ACVR2A: variants seen among roughly 807,000 people sequenced by gnomAD.
ACVR2A encodes the protein activin A receptor type 2A.
In ACVR2A, 7 loss-of-function variants were observed where a neutral mutation model predicts 61.4. The ratio of observed to expected loss-of-function variants is 0.11; its 90% CI spans 0.06 to 0.21. The LOEUF (loss-of-function observed/expected upper bound fraction) is 0.21, where lower values mean the gene tolerates loss of function less well. Ranked by LOEUF, ACVR2A falls within the 10% of genes least tolerant of loss-of-function variation. The pLI, the probability that ACVR2A is intolerant of heterozygous loss-of-function variation, is 1.00. For synonymous variants in ACVR2A, 193 were observed against 208.3 expected, an observed-to-expected ratio of 0.93 and a Z score of 0.63; for missense variants, 322 against 621.7, an observed-to-expected ratio of 0.52 and a Z score of 5.13.
chr2:147,876,923 C>T lies in ACVR2A; in HGVS notation c.56-19378C>T, dbSNP rs576589326. Among the ~76,000 whole-genome samples the T allele has an allele frequency of 5.9e-5, 9 of 152,238 alleles. No homozygotes were observed. In the South Asian group the frequency reaches 1.5e-3, roughly 25 times the overall value. ...TACATTTTGTCTTCTATATGTTGCT[C>T]CTGTCCCTTCACCATGTCCTCATTG... On this transcript the variant is annotated intron_variant, in intron 1 of 10. Transcript: ENST00000241416.
intron 2 of ACVR2A, among the ~76,000 whole-genome samples, chr2:147,898,712 C>A (rs571508717): frequency 6.6e-6 from 1 of 152,126 alleles, no homozygotes; most frequent in South Asian, 2.1e-4. Flanking sequence ...GTTCTAGAGG[C>A]TAAATCCAGG....
At chr2:147,908,059 AAAAAG>A (rs372254598) in intron 4 of ACVR2A, among the ~76,000 whole-genome samples, 19,469 of 148,366 alleles carry the variant, frequency 0.13, 1,583 homozygotes, top group Middle Eastern at 0.21. Flanking sequence ...AAAAAAGAAA[AAAAAG>A]AAAAAAAAAG....
chr2:147,888,509 C>T (rs916256168), intron 1 of ACVR2A, among the ~76,000 whole-genome samples: 4 of 151,940 alleles, frequency 2.6e-5, no homozygotes. Context: ...TTAAATTATA[C>T]CTAAGTGTTT....
At chr2:147,902,120 A>G (rs1686884339) in intron 4 of ACVR2A, among the ~76,000 whole-genome samples, 1 of 151,992 alleles carries the variant, frequency 6.6e-6, no homozygotes, top group Non-Finnish European at 1.5e-5. Flanking sequence ...GAGACTGATT[A>G]TCATCTTTGG....
intron 1 of ACVR2A, among the ~76,000 whole-genome samples, chr2:147,890,045 T>C (rs1686544218): frequency 6.6e-6 from 1 of 152,134 alleles, no homozygotes; most frequent in Admixed American, 6.6e-5. Flanking sequence ...GTGAGGGGTT[T>C]GGTACCTTGT....
intron 4 of ACVR2A, among the ~76,000 whole-genome samples, chr2:147,909,381 G>GATGA (rs764824252): frequency 2.6e-4 from 39 of 152,100 alleles, no homozygotes; most frequent in East Asian, 1.2e-3. Flanking sequence ...AAATTTGTTG[G>GATGA]ATGAATGAAT....
rs570785232 is a variant in ACVR2A, at chr2:147,911,855, G to A, written c.529-3336G>A. ...AGTTAACACCTTAACGGCTCCATTC[G>A]CCTCAAAAACCTTGTATTGGTTAAT... On this transcript the variant is annotated intron_variant, in intron 4 of 10. Transcript: ENST00000241416. Among the ~76,000 whole-genome samples the A allele has an allele frequency of 5.9e-5, 9 of 151,992 alleles. No individual in the cohort carries two copies. In the South Asian group the frequency reaches 1.0e-3, roughly 18 times the overall value.
chr2:147,878,897 A>G (rs1366615235), intron 1 of ACVR2A, among the ~76,000 whole-genome samples: 2 of 148,330 alleles, frequency 1.3e-5, no homozygotes, highest in Non-Finnish European at 3.0e-5. Flanking sequence ...TGACAGAAAG[A>G]GACCTGTCTT....
intron 1 of ACVR2A, among the ~76,000 whole-genome samples, chr2:147,892,347 A>G (rs1274600038): frequency 6.6e-6 from 1 of 151,448 alleles, no homozygotes; most frequent in Non-Finnish European, 1.5e-5. Context: ...TTTCTTCCAC[A>G]GTTGAGAGGA....
chr2:147,845,488 C>G (rs1685287224), intron 1 of ACVR2A, among the ~76,000 whole-genome samples: 2 of 152,034 alleles, frequency 1.3e-5, no homozygotes. Context: ...GTGGCCATAA[C>G]ACTGGATGAC....
intron 8 of ACVR2A, among the ~76,000 whole-genome samples, chr2:147,922,080 C>T (rs1687394043): frequency 7.8e-6 from 1 of 127,504 alleles, no homozygotes; most frequent in Non-Finnish European, 1.8e-5. Context: ...GAAAAGTAGG[C>T]TTTAGGGAAA....
chr2:147,888,952 G>C (rs930731877), intron 1 of ACVR2A, among the ~76,000 whole-genome samples: 1 of 151,722 alleles, frequency 6.6e-6, no homozygotes, highest in East Asian at 1.9e-4. Flanking sequence ...TTTGGTAGGT[G>C]CTTTTTATGA....
chr2:147,895,847 A>G (rs1686719765), intron 1 of ACVR2A, among the ~76,000 whole-genome samples: 1 of 152,110 alleles, frequency 6.6e-6, no homozygotes, highest in Admixed American at 6.5e-5. Flanking sequence ...TCTATTGGGA[A>G]AGTTTTTGGG....
chr2:147,858,063 G>C (rs1418851312), intron 1 of ACVR2A, among the ~76,000 whole-genome samples: 1 of 152,038 alleles, frequency 6.6e-6, no homozygotes, highest in Admixed American at 6.6e-5. Context: ...TGTGGTATTT[G>C]GTTTTCTGTT....
intron 1 of ACVR2A, among the ~76,000 whole-genome samples, chr2:147,858,923 A>C (rs1034941234): frequency 2.6e-5 from 4 of 152,168 alleles, no homozygotes; most frequent in Non-Finnish European, 4.4e-5. Context: ...AAAATGTAAA[A>C]ACCATTGTTC....
chr2:147,912,687 C>A (rs1687147615), intron 4 of ACVR2A, among the ~76,000 whole-genome samples: 1 of 151,672 alleles, frequency 6.6e-6, no homozygotes, highest in South Asian at 2.1e-4. Flanking sequence ...AAGTTTCATT[C>A]TAGTAATTTT....
At chr2:147,898,978 C>T (rs1686810176) in intron 2 of ACVR2A, among the ~76,000 whole-genome samples, 1 of 151,992 alleles carries the variant, frequency 6.6e-6, no homozygotes, top group African/African-American at 2.4e-5. Context: ...GAGATACGAG[C>T]TTTTATCACT....
intron 1 of ACVR2A, among the ~76,000 whole-genome samples, chr2:147,867,682 A>T (rs1200785534): frequency 6.6e-6 from 1 of 152,154 alleles, no homozygotes; most frequent in Non-Finnish European, 1.5e-5. Context: ...AAACTAAGGG[A>T]TCTATGAAAA....
At chr2:147,904,888 T>C (rs1391807924) in intron 4 of ACVR2A, among the ~76,000 whole-genome samples, 1 of 152,092 alleles carries the variant, frequency 6.6e-6, no homozygotes. Context: ...GAGTATTTAA[T>C]ATGCTAATAA....
Sources: gnomAD v4.1 joint callset for allele counts (sites outside exome capture counted in the v4.1 genomes callset) on GRCh38, gnomAD v4.1.1 for gene constraint, MANE v1.5 for transcripts, NCBI Gene and HGNC (gene_info 2026-07-23, HGNC 2026-07-21) for gene names.